KPNA1: variants seen among roughly 807,000 people sequenced by gnomAD.
KPNA1 encodes karyopherin subunit alpha 1.
KPNA1 carries 10 observed loss-of-function variants against 70.5 expected under a neutral mutation model. The ratio of observed to expected loss-of-function variants is 0.14; its 90% CI spans 0.09 to 0.24. The LOEUF (loss-of-function observed/expected upper bound fraction) is 0.24, where lower values mean the gene tolerates loss of function less well. Ranked by LOEUF, KPNA1 falls within the 10% of genes least tolerant of loss-of-function variation. KPNA1 has a pLI of 1.00. For synonymous variants in KPNA1, 192 were observed against 221.9 expected (o/e 0.87, Z 1.20); for missense variants, 397 against 637.9 (o/e 0.62, Z 4.07).
At position 122,482,804 on chromosome 3, in the gene KPNA1, C is replaced by A. The variant is rs930536478; in HGVS notation, c.129+13633G>T. Among the ~76,000 whole-genome samples, 3 of 152,154 alleles carry A rather than the reference C, an allele frequency of 2.0e-5. No individual in the cohort carries two copies. The East Asian group carries it at 5.8e-4, about 29-fold the overall frequency. On this transcript the variant is annotated intron_variant, in intron 2 of 13. Transcript: ENST00000344337. ...AAGATAAAAATCTGTAAGACCTATA[C>A]ACCAAAAACTACAAATTGCTAAGAG...
At position 122,449,678 on chromosome 3, in the gene KPNA1, C is replaced by G; in HGVS notation, c.813G>C (p.Leu271=). The change falls in exon 9 of 14, where the codon CTG becomes CTC. Residue 271 remains leucine, a synonymous_variant. Transcript: ENST00000344337. ...ATGAGAGGGCCCAGCAGGCATCAGC[C>G]AGTACATCAGTGTCACTGACAAACA... ...WLLFVSDTDV[L]ADACWALSYL... is the part of the protein sequence containing the mutation. 1 of 1,613,782 alleles carries G rather than the reference C, an allele frequency of 6.2e-7. No individual in the cohort carries two copies. The highest frequency in any genetic ancestry group is 8.5e-7 in the Non-Finnish European group (1 of 1,179,882).
At chr3:122,473,946 A>G (rs2076470324) in intron 2 of KPNA1, among the ~76,000 whole-genome samples, 1 of 152,158 alleles carries the variant, frequency 6.6e-6, no homozygotes, top group African/African-American at 2.4e-5. Context: ...AGTCGTCCAC[A>G]TGGAGAATTC....
chr3:122,489,741 C>T (rs1296741710), intron 2 of KPNA1, among the ~76,000 whole-genome samples: 3 of 152,254 alleles, frequency 2.0e-5, no homozygotes, highest in East Asian at 1.9e-4. Flanking sequence ...TTTTTGTATA[C>T]GTCACAATCT....
chr3:122,488,136 A>G (rs907688054), intron 2 of KPNA1, among the ~76,000 whole-genome samples: 12 of 152,212 alleles, frequency 7.9e-5, no homozygotes, highest in Non-Finnish European at 1.6e-4. Flanking sequence ...AACTCCTATA[A>G]AAGTAATGGA....
At chr3:122,474,579 A>C (rs2076477101) in intron 2 of KPNA1, among the ~76,000 whole-genome samples, 1 of 152,192 alleles carries the variant, frequency 6.6e-6, no homozygotes, top group Non-Finnish European at 1.5e-5. Flanking sequence ...CAATGGTGCA[A>C]AGGTAGTCTT....
At chr3:122,447,564 T>G (rs1032069420) in intron 9 of KPNA1, among the ~76,000 whole-genome samples, 1 of 152,146 alleles carries the variant, frequency 6.6e-6, no homozygotes, top group Non-Finnish European at 1.5e-5. Flanking sequence ...ACAGCCAATA[T>G]CATACTGAAT....
intron 12 of KPNA1, 121 bp downstream of exon 12, chr3:122,433,540 T>C: frequency 1.3e-6 from 1 of 745,086 alleles, no homozygotes; most frequent in Non-Finnish European, 2.1e-6. Flanking sequence ...CGTCTCTCAC[T>C]TACTTTTCCC....
intron 6 of KPNA1, among the ~76,000 whole-genome samples, chr3:122,452,717 A>AGAC (rs2076222050): frequency 9.1e-6 from 1 of 110,198 alleles, no homozygotes; most frequent in Non-Finnish European, 2.1e-5. Context: ...GACGGAGGGA[A>AGAC]GGAGGGAAGG....
In KPNA1 at chr3:122,449,611, C is replaced by T. The variant is rs754140846; in HGVS notation, c.880G>A (p.Asp294Asn). The change falls in exon 9 of 14, where the codon GAT (aspartate) becomes AAT (asparagine). Residue 294 changes from aspartate (D) to asparagine (N), a missense_variant. Physicochemically the swap from Asp to Asn is conservative, Grantham distance 23 (BLOSUM62 1). Coordinates refer to ENST00000344337, the MANE Select transcript of KPNA1 (RefSeq NM_002264.4). ...ACAAGTCTCCTACATACTCCCGCAT[C>T]GATGACCGCTTGAATTTTATCATTG... ...GPNDKIQAVIDAGVCRRLVEL... is the reference protein window; with the variant it reads ...GPNDKIQAVINAGVCRRLVEL... 7.4e-6 allele frequency: 12 copies of T among 1,613,844 alleles called. No homozygotes were observed. The highest frequency in any genetic ancestry group is 1.1e-5 in the South Asian group (1 of 91,016).
chr3:122,438,271 T>G (rs2076015766), intron 10 of KPNA1, among the ~76,000 whole-genome samples: 1 of 152,220 alleles, frequency 6.6e-6, no homozygotes, highest in Admixed American at 6.5e-5. Context: ...AACTTTTAAG[T>G]TTCCTGAGAC....
At chr3:122,442,222 C>T (rs1024729991) in intron 9 of KPNA1, 106 bp from the exon 10 acceptor site, 25 of 812,800 alleles carry the variant, frequency 3.1e-5, no homozygotes, top group Admixed American at 8.3e-5. Flanking sequence ...AATTTTAGAG[C>T]AGAAATGTAC....
intron 11 of KPNA1, among the ~76,000 whole-genome samples, chr3:122,436,554 G>C (rs568426687): frequency 6.6e-6 from 1 of 152,016 alleles, no homozygotes; most frequent in Admixed American, 6.5e-5. Context: ...CGACACTTAG[G>C]GAAAACAGAA....
intron 1 of KPNA1, among the ~76,000 whole-genome samples, chr3:122,507,805 G>A (rs2076907595): frequency 1.3e-5 from 2 of 150,888 alleles, no homozygotes; most frequent in African/African-American, 4.9e-5. Flanking sequence ...TAAAGGGTTC[G>A]TTCCCTCAGT....
rs533372589 is a variant in KPNA1, at chr3:122,424,356, C to T, written c.*2629G>A. ...AACTAAAAACAGGATATACAGTTAC[C>T]CCTTAAAATGTCATTTCTGTTACCA... On this transcript the variant is annotated 3_prime_UTR_variant, in exon 14 of 14. Coordinates refer to ENST00000344337, the MANE Select transcript of KPNA1 (RefSeq NM_002264.4). 1 of 152,158 alleles carries T rather than the reference C, an allele frequency of 6.6e-6. No homozygotes were observed. The highest frequency in any genetic ancestry group is 6.5e-5 in the Admixed American group (1 of 15,272). 9.4% of individuals were successfully genotyped at this position (152,158 alleles called of 1,614,324 possible).
chr3:122,484,002 T>C (rs2076601342), intron 2 of KPNA1, among the ~76,000 whole-genome samples: 1 of 152,234 alleles, frequency 6.6e-6, no homozygotes, highest in South Asian at 2.1e-4. Context: ...AGAAAACCAC[T>C]CCTTGATCAT....
At chr3:122,510,281 A>T (rs2076940867) in intron 1 of KPNA1, among the ~76,000 whole-genome samples, 1 of 152,230 alleles carries the variant, frequency 6.6e-6, no homozygotes, top group Non-Finnish European at 1.5e-5. Flanking sequence ...AACAGTAAAC[A>T]GGGGAACCAG....
intron 2 of KPNA1, among the ~76,000 whole-genome samples, chr3:122,475,508 T>C (rs938872894): frequency 6.6e-6 from 1 of 152,126 alleles, no homozygotes; most frequent in African/African-American, 2.4e-5. Flanking sequence ...ATCCTAAAAT[T>C]CATATGGACC....
At chr3:122,463,077 C>T (rs557467793) in intron 4 of KPNA1, among the ~76,000 whole-genome samples, 6 of 151,940 alleles carry the variant, frequency 3.9e-5, no homozygotes, top group Non-Finnish European at 5.9e-5. Context: ...AAAGGCCGGG[C>T]GCAGTGGCTC....
chr3:122,474,419 A>T (rs2076475559), intron 2 of KPNA1, among the ~76,000 whole-genome samples: 1 of 152,112 alleles, frequency 6.6e-6, no homozygotes, highest in South Asian at 2.1e-4. Context: ...TAGAGGAATG[A>T]CTCTACCCAA....
Sources: allele counts gnomAD v4.1 joint callset (sites outside exome capture counted in the v4.1 genomes callset), GRCh38; gene constraint gnomAD v4.1.1; transcripts MANE v1.5; gene names NCBI Gene and HGNC (gene_info 2026-07-23, HGNC 2026-07-21).